The following SEM1 variants were observed in gnomAD, a reference collection of about 807,000 sequenced individuals.
The protein encoded by SEM1 is 26S proteasome complex subunit SEM1.
SEM1 carries 3 observed loss-of-function variants against 12.7 expected under a neutral mutation model. The observed-to-expected ratio is 0.24, with a 90% CI of 0.11 to 0.61. SEM1 has a LOEUF of 0.61. Ranked by LOEUF, SEM1 falls within the 20% of genes least tolerant of loss-of-function variation. SEM1 has a pLI of 0.88. For missense variants in SEM1, 59 were observed against 81.3 expected (o/e 0.73, Z 1.06); for synonymous variants, 30 against 27.8 (o/e 1.08, Z -0.25).
At chr7:96,656,455 A>T (rs536120285) in intron 2 of SEM1, 1 of 152,302 alleles carries the variant, frequency 6.6e-6, no homozygotes, top group Non-Finnish European at 1.5e-5. Flanking sequence ...TTTGTCACTG[A>T]CCTTCCAGAT....
intron 2 of SEM1, among the ~76,000 whole-genome samples, chr7:96,560,213 T>A (rs566365148): frequency 6.6e-6 from 1 of 152,326 alleles, no homozygotes. Context: ...AATATCTGGG[T>A]CAAAAGGTAT....
intron 2 of SEM1, among the ~76,000 whole-genome samples, chr7:96,560,970 C>T (rs1805673187): frequency 2.6e-5 from 4 of 152,126 alleles, no homozygotes; most frequent in Middle Eastern, 3.4e-3. Flanking sequence ...TTTTTAGAGA[C>T]AGGGTCTTGC....
chr7:96,608,755 C>T (rs999739844), intron 2 of SEM1, among the ~76,000 whole-genome samples: 1 of 152,192 alleles, frequency 6.6e-6, no homozygotes, highest in African/African-American at 2.4e-5. Context: ...ACAATACTTC[C>T]CTCCTCTTTA....
intron 2 of SEM1, among the ~76,000 whole-genome samples, chr7:96,564,094 C>A (rs1429187420): frequency 6.6e-6 from 1 of 151,986 alleles, no homozygotes; most frequent in Non-Finnish European, 1.5e-5. Flanking sequence ...GGCTGAATGT[C>A]TTTTCTTGAA....
intron 2 of SEM1, among the ~76,000 whole-genome samples, chr7:96,567,769 T>A (rs895969636): frequency 1.3e-5 from 2 of 151,688 alleles, no homozygotes; most frequent in Non-Finnish European, 3.0e-5. Flanking sequence ...TCTCTTCTGA[T>A]ATAATAGAAA....
At chr7:96,509,813 G>A (rs986778083) in intron 2 of SEM1, among the ~76,000 whole-genome samples, 1 of 152,118 alleles carries the variant, frequency 6.6e-6, no homozygotes, top group Non-Finnish European at 1.5e-5. Context: ...AATATTGTAT[G>A]ATTCCATTTA....
chr7:96,492,994 T>A (rs147622313), intron 1 of SEM1, among the ~76,000 whole-genome samples: 3,439 of 152,122 alleles, frequency 0.023, 60 homozygotes, highest in South Asian at 0.036. Flanking sequence ...TGAGATGGAG[T>A]CTCACTCTGC....
intron 2 of SEM1, among the ~76,000 whole-genome samples, chr7:96,668,456 T>C (rs990092325): frequency 2.6e-5 from 4 of 152,214 alleles, no homozygotes; most frequent in Non-Finnish European, 5.9e-5. Context: ...TTTTAGCCAA[T>C]TACAGTCCTC....
intron 2 of SEM1, among the ~76,000 whole-genome samples, chr7:96,573,801 T>C (rs1009236242): frequency 4.6e-5 from 7 of 152,198 alleles, no homozygotes; most frequent in Non-Finnish European, 8.8e-5. Context: ...TGAATTTGAA[T>C]GTTGGTCTGT....
chr7:96,493,123 C>A (rs553886965), intron 1 of SEM1, among the ~76,000 whole-genome samples: 2 of 151,902 alleles, frequency 1.3e-5, no homozygotes, highest in African/African-American at 4.8e-5. Flanking sequence ...TAGCCACATA[C>A]CCGGCTAATT....
chr7:96,661,188 G>A (rs1788989642), intron 2 of SEM1, among the ~76,000 whole-genome samples: 1 of 152,108 alleles, frequency 6.6e-6, no homozygotes, highest in Non-Finnish European at 1.5e-5. Context: ...CAGGTAGTCT[G>A]GTGCCAGATT....
chr7:96,525,396 G>A (rs1363394807), intron 2 of SEM1, among the ~76,000 whole-genome samples: 1 of 151,914 alleles, frequency 6.6e-6, no homozygotes, highest in Admixed American at 6.6e-5. Context: ...GCGAGTGCAC[G>A]TGCAGATTCA....
At chr7:96,649,055 C>A (rs1170305294) in intron 2 of SEM1, 1 of 152,214 alleles carries the variant, frequency 6.6e-6, no homozygotes, top group African/African-American at 2.4e-5. Flanking sequence ...GTTGAAAGTC[C>A]CCCTCGCTAT....
At chr7:96,551,255 T>C (rs1469943475) in intron 2 of SEM1, among the ~76,000 whole-genome samples, 2 of 152,136 alleles carry the variant, frequency 1.3e-5, no homozygotes, top group African/African-American at 4.8e-5. Flanking sequence ...TGGTGCACCC[T>C]TCCACCCATT....
At chr7:96,567,166 G>T (rs983368261) in intron 2 of SEM1, among the ~76,000 whole-genome samples, 9 of 151,414 alleles carry the variant, frequency 5.9e-5, no homozygotes, top group Non-Finnish European at 1.0e-4. Context: ...AGAGAGATTT[G>T]CTGCCTTCAA....
At chr7:96,659,855 T>G (rs1421957094) in intron 2 of SEM1, among the ~76,000 whole-genome samples, 1 of 134,474 alleles carries the variant, frequency 7.4e-6, no homozygotes, top group African/African-American at 2.8e-5. Flanking sequence ...AAAGGCAAGA[T>G]GATACATAGA....
chr7:96,656,847 T>G (rs953953442), intron 2 of SEM1, among the ~76,000 whole-genome samples: 2 of 96,176 alleles, frequency 2.1e-5, no homozygotes, highest in South Asian at 7.8e-4. Flanking sequence ...AAAAATATAA[T>G]GTTAAATATA....
At chr7:96,651,360 T>C (rs1416782776) in intron 2 of SEM1, among the ~76,000 whole-genome samples, 1 of 152,072 alleles carries the variant, frequency 6.6e-6, no homozygotes, top group Non-Finnish European at 1.5e-5. Flanking sequence ...GGAGACAATA[T>C]GTGAGGAAGT....
chr7:96,555,878 A>G (rs1805474003), intron 2 of SEM1, among the ~76,000 whole-genome samples: 1 of 148,986 alleles, frequency 6.7e-6, no homozygotes, highest in Non-Finnish European at 1.5e-5. Context: ...GTGCTCCTGT[A>G]TTGGGTGCAT....
Sources: allele counts gnomAD v4.1 joint callset (sites outside exome capture counted in the v4.1 genomes callset), GRCh38; gene constraint gnomAD v4.1.1; transcripts MANE v1.5; gene names NCBI Gene and HGNC (gene_info 2026-07-23, HGNC 2026-07-21).